SRL: variants seen among roughly 807,000 people sequenced by gnomAD.
The protein encoded by SRL is sarcalumenin.
Under a neutral mutation model 39.5 loss-of-function variants are expected in SRL, and 23 were observed. The ratio of observed to expected loss-of-function variants is 0.58; its 90% confidence interval spans 0.42 to 0.82. The LOEUF is 0.82. Among genes scored for constraint, SRL ranks in the 40% least tolerant of loss-of-function variants. The pLI is 0.00. For missense variants in SRL, 592 were observed against 607.8 expected, an observed-to-expected ratio of 0.97 and a Z score of 0.27; for synonymous variants, 272 against 237.4, an observed-to-expected ratio of 1.15 and a Z score of -1.34.
At chr16:4,220,223 A>G (rs1356303462) in intron 1 of SRL, among the ~76,000 whole-genome samples, 1 of 151,816 alleles carries the variant, frequency 6.6e-6, no homozygotes, top group South Asian at 2.1e-4. Flanking sequence ...AGATCACTTG[A>G]GGCCAGGAGT....
rs571216205 is a variant in SRL, at chr16:4,191,930, C to T, written c.*223G>A. 2.1e-6 allele frequency: 1 copy of T among 486,024 alleles called. No homozygotes were observed. The highest frequency in any genetic ancestry group is 3.8e-5 in the Admixed American group (1 of 26,496). The allele number at this position is 486,024 out of a possible 1,614,324, so 30.1% of individuals were successfully genotyped here. On this transcript the variant is annotated 3_prime_UTR_variant, in exon 6 of 6. Coordinates refer to ENST00000399609, the MANE Select transcript of SRL (RefSeq NM_001098814.2). ...TGGAGGCTGACTTGCCTCAATCAGG[C>T]CTCCTCATTGAAGCAACAAGACAAG...
intron 1 of SRL, among the ~76,000 whole-genome samples, chr16:4,232,767 C>G (rs1354303717): frequency 6.6e-6 from 1 of 152,246 alleles, no homozygotes; most frequent in Non-Finnish European, 1.5e-5. Context: ...CCGCTTCAAC[C>G]TCCCAAAGTG....
intron 1 of SRL, 47 bp from the exon 2 acceptor site, chr16:4,204,681 G>T (rs1185068622): frequency 6.4e-7 from 1 of 1,566,692 alleles, no homozygotes; most frequent in Non-Finnish European, 8.8e-7. Context: ...CTAACAGCCA[G>T]CTGAGCTCTG....
At chr16:4,207,144 G>T (rs1567179290) in intron 1 of SRL, 1 of 456,760 alleles carries the variant, frequency 2.2e-6, no homozygotes, top group South Asian at 1.5e-5. Flanking sequence ...TGCTTCTTCT[G>T]AGCTAGCCCC....
At position 4,190,419 on chromosome 16, in the gene SRL, G is replaced by C. The variant is rs2052046943; in HGVS notation, c.*1734C>G. On this transcript the variant is annotated 3_prime_UTR_variant, in exon 6 of 6. Transcript: ENST00000399609. The stretch of plus-strand genomic sequence containing the variant: ...CAGCTTGTTCCCAAGAGAAGCGGCT[G>C]GCTGTGTACAAAGGAGCCCCTCGAG... The C allele has an allele frequency of 2.5e-6, 1 of 398,646 alleles. No homozygotes were observed. 24.7% of individuals were successfully genotyped at this position (398,646 alleles called of 1,614,324 possible).
chr16:4,226,426 G>A (rs113441886), intron 1 of SRL, among the ~76,000 whole-genome samples: 2 of 151,782 alleles, frequency 1.3e-5, no homozygotes, highest in African/African-American at 4.8e-5. Context: ...TGGATGAATG[G>A]ATGGATGGGT....
At chr16:4,210,321 C>T (rs1260519194) in intron 1 of SRL, among the ~76,000 whole-genome samples, 1 of 152,142 alleles carries the variant, frequency 6.6e-6, no homozygotes, top group East Asian at 1.9e-4. Context: ...TGAATGTCCT[C>T]TGAACAGCAG....
chr16:4,208,104 T>C (rs1205267293), intron 1 of SRL: 13 of 446,478 alleles, frequency 2.9e-5, no homozygotes, highest in Non-Finnish European at 5.8e-5. Flanking sequence ...GACTTGCAGT[T>C]CTAAATGATT....
chr16:4,211,294 C>T (rs1404214110), intron 1 of SRL, among the ~76,000 whole-genome samples: 1 of 151,876 alleles, frequency 6.6e-6, no homozygotes, highest in Non-Finnish European at 1.5e-5. Flanking sequence ...TAAGGATCCC[C>T]ATTGTGGGCT....
chr16:4,208,091 G>A (rs767934923), intron 1 of SRL: 7 of 452,328 alleles, frequency 1.5e-5, no homozygotes, highest in Admixed American at 4.8e-5. Context: ...CACCCGACGC[G>A]GAGACTTGCA....
intron 1 of SRL, among the ~76,000 whole-genome samples, chr16:4,211,825 G>A (rs377036634): frequency 6.6e-6 from 1 of 152,040 alleles, no homozygotes; most frequent in East Asian, 1.9e-4. Flanking sequence ...TGGCAGCAAT[G>A]GTGGTGATGA....
intron 1 of SRL, among the ~76,000 whole-genome samples, chr16:4,234,538 T>C (rs2052695055): frequency 6.6e-6 from 1 of 152,134 alleles, no homozygotes. Flanking sequence ...TGAAAATAGA[T>C]GGAACAGGAC....
At position 4,228,543 on chromosome 16, in the gene SRL, G is replaced by C. The variant is rs536408886; in HGVS notation, c.61+13464C>G. On this transcript the variant is annotated intron_variant, in intron 1 of 5. Coordinates refer to ENST00000399609, the MANE Select transcript of SRL (RefSeq NM_001098814.2). ...TAGGTCAGGAGATCGAGACCATCCT[G>C]GCTAACACGGTGAAACCCCGTCTCT... Among the ~76,000 whole-genome samples, 218 of 151,984 alleles carry C rather than the reference G, an allele frequency of 1.4e-3. 2 individuals carry two copies. Among genetic ancestry groups the C allele is most frequent in the African/African-American group, 5.1e-3 (211 of 41,446 alleles).
At position 4,203,219 on chromosome 16, in the gene SRL, T is replaced by G; in HGVS notation, c.206A>C (p.Lys69Thr). The change falls in exon 3 of 6, where the codon AAG becomes ACG. Residue 69 changes from lysine to threonine, a missense_variant. Coordinates refer to ENST00000399609, the MANE Select transcript of SRL (RefSeq NM_001098814.2). ...GTACTTGTAGGACTGCTCCAGAGGC[T>G]TGATGGATGAGTGGTAGATCTTCCG... ...RLRKIYHSSI[K>T]PLEQSYKYNE... The G allele has an allele frequency of 6.2e-7, 1 of 1,614,202 alleles. No homozygotes were observed. The highest frequency in any genetic ancestry group is 8.5e-7 in the Non-Finnish European group (1 of 1,180,032).
At chr16:4,201,122 T>TTC (rs2052223537) in intron 3 of SRL, among the ~76,000 whole-genome samples, 2 of 151,532 alleles carry the variant, frequency 1.3e-5, no homozygotes, top group Admixed American at 1.3e-4. Flanking sequence ...TCCAATTTTT[T>TTC]TTTTTTTTTG....
chr16:4,211,814 ATGGCAGCAATGG>A (rs1391405429), intron 1 of SRL, among the ~76,000 whole-genome samples: 2 of 151,946 alleles, frequency 1.3e-5, no homozygotes, highest in African/African-American at 4.8e-5. Context: ...GATGATGATG[ATGGCAGCAATGG>A]TGGTGATGAT....
chr16:4,199,612 C>T (rs2052195211), intron 3 of SRL, among the ~76,000 whole-genome samples: 1 of 151,446 alleles, frequency 6.6e-6, no homozygotes, highest in Non-Finnish European at 1.5e-5. Context: ...CTCAAGAGAT[C>T]CACCCACCTT....
chr16:4,210,942 A>G (rs2141042794), intron 1 of SRL, among the ~76,000 whole-genome samples: 1 of 152,260 alleles, frequency 6.6e-6, no homozygotes, highest in East Asian at 1.9e-4. Flanking sequence ...CCCAGCCTGG[A>G]CCCATTGAAT....
Position 4,191,847 on chromosome 16 carries a change from G to C in SRL, c.*306C>G, listed in dbSNP as rs1285851397. ...GCTTATTTGACCCTCACTGATTTAA[G>C]ATACACTAGAATTTAGCTGCTCTCT... On this transcript the variant is annotated 3_prime_UTR_variant, in exon 6 of 6. Transcript: ENST00000399609. 1 of 318,868 alleles carries C rather than the reference G, an allele frequency of 3.1e-6. No homozygotes were observed. The highest frequency in any genetic ancestry group is 2.1e-5 in the African/African-American group (1 of 46,734). 19.8% of individuals were successfully genotyped at this position (318,868 alleles called of 1,614,324 possible).
Sources: allele counts gnomAD v4.1 joint callset (sites outside exome capture counted in the v4.1 genomes callset), GRCh38; gene constraint gnomAD v4.1.1; transcripts MANE v1.5; gene names NCBI Gene and HGNC (gene_info 2026-07-23, HGNC 2026-07-21).